Variants in EXT1 observed in about 807,000 individuals in gnomAD.
EXT1 encodes exostosin glycosyltransferase 1.
Under a neutral mutation model 82.5 loss-of-function variants are expected in EXT1, and 20 were observed. That is an observed-to-expected ratio of 0.24 (90% CI 0.17 to 0.35). The LOEUF is 0.35. EXT1 is among the 10% of genes least tolerant of loss of function. The probability of loss-of-function intolerance (pLI) is 1.00; values close to 1 mark genes in which losing one functional copy is unlikely to be tolerated. For synonymous variants in EXT1, 348 were observed against 350.8 expected (o/e 0.99, Z 0.09); for missense variants, 757 against 936.5 (o/e 0.81, Z 2.50).
At chr8:117,803,930 G>C (rs1199364454) in intron 10 of EXT1, among the ~76,000 whole-genome samples, 4 of 152,078 alleles carry the variant, frequency 2.6e-5, no homozygotes, top group African/African-American at 7.2e-5. Context: ...CCTGATTCTA[G>C]AACTGAAAAT....
rs1563582122 is a variant in EXT1 at position 117,858,803 on chromosome 8, G to A, written c.963-21602C>T. On this transcript the variant is annotated intron_variant, in intron 1 of 10. Transcript: ENST00000378204. The stretch of plus-strand genomic sequence containing the variant: ...CAGGCAGGCAGGCAAGGCAAGGCAA[G>A]GCAAGGCAGGAAGGAAGGAAGGAAG... Among the ~76,000 whole-genome samples, 199 of 80,336 alleles carry A rather than the reference G, an allele frequency of 2.5e-3. 17 individuals carry two copies. The highest frequency in any genetic ancestry group is 0.012 in the African/African-American group (192 of 15,514). 52.7% of individuals were successfully genotyped at this position (80,336 alleles called of 152,430 possible). A position where few individuals can be genotyped will look rare whatever the true frequency, so the allele number is the denominator to read the frequency against.
chr8:118,108,801 G>C (rs1180991108), intron 1 of EXT1, among the ~76,000 whole-genome samples: 1 of 152,192 alleles, frequency 6.6e-6, no homozygotes, highest in Non-Finnish European at 1.5e-5. Context: ...TTCAAGGCCA[G>C]TTTCCCACCA....
At chr8:117,930,699 A>C (rs934738203) in intron 1 of EXT1, among the ~76,000 whole-genome samples, 2 of 152,350 alleles carry the variant, frequency 1.3e-5, no homozygotes, top group Non-Finnish European at 1.5e-5. Context: ...CAGTGACTCC[A>C]TCTTGAGTAG....
intron 1 of EXT1, among the ~76,000 whole-genome samples, chr8:118,006,546 T>C (rs1474273560): frequency 1.3e-5 from 2 of 152,088 alleles, no homozygotes; most frequent in Non-Finnish European, 2.9e-5. Context: ...AGGTCAAAAA[T>C]CGTAACAATA....
intron 1 of EXT1, among the ~76,000 whole-genome samples, chr8:117,961,173 CTCTT>C (rs1042078911): frequency 3.3e-5 from 5 of 152,128 alleles, no homozygotes; most frequent in Admixed American, 6.6e-5. Context: ...GTCTTTCTCT[CTCTT>C]TCTTTTTTTT....
chr8:117,880,594 CTT>C (rs58814828), intron 1 of EXT1, among the ~76,000 whole-genome samples: 12 of 142,504 alleles, frequency 8.4e-5, no homozygotes, highest in Admixed American at 1.4e-4. Flanking sequence ...CCTCTTTTTT[CTT>C]TTTTTTTTTT....
intron 1 of EXT1, among the ~76,000 whole-genome samples, chr8:117,970,255 C>A (rs1289749120): frequency 6.6e-6 from 1 of 152,056 alleles, no homozygotes; most frequent in African/African-American, 2.4e-5. Flanking sequence ...TGGGCTGTAC[C>A]CCCAGAACTT....
intron 1 of EXT1, among the ~76,000 whole-genome samples, chr8:118,086,848 T>C (rs1010016058): frequency 6.6e-6 from 1 of 152,176 alleles, no homozygotes; most frequent in Non-Finnish European, 1.5e-5. Context: ...CAGAATGGGA[T>C]AACTATTTAG....
intron 1 of EXT1, among the ~76,000 whole-genome samples, chr8:117,852,232 T>G (rs1336274803): frequency 6.6e-6 from 1 of 152,190 alleles, no homozygotes; most frequent in Non-Finnish European, 1.5e-5. Context: ...TTGCCTCCTT[T>G]CCATAATGCT....
intron 1 of EXT1, among the ~76,000 whole-genome samples, chr8:118,067,517 T>G (rs1012062047): frequency 6.6e-6 from 1 of 152,200 alleles, no homozygotes; most frequent in Non-Finnish European, 1.5e-5. Context: ...AGGATGGACA[T>G]AGTACATAAC....
intron 1 of EXT1, among the ~76,000 whole-genome samples, chr8:118,053,508 A>G (rs1033085868): frequency 2.0e-5 from 3 of 152,226 alleles, no homozygotes; most frequent in Non-Finnish European, 4.4e-5. Flanking sequence ...CAATAGCCTC[A>G]TGTCTGACTA....
intron 1 of EXT1, among the ~76,000 whole-genome samples, chr8:118,060,954 A>C (rs1338098311): frequency 1.3e-5 from 2 of 152,214 alleles, no homozygotes; most frequent in African/African-American, 4.8e-5. Flanking sequence ...GAAACCAAAA[A>C]CAGAAATGGT....
intron 1 of EXT1, among the ~76,000 whole-genome samples, chr8:117,900,488 GGGC>G (rs1813421653): frequency 3.9e-5 from 6 of 152,188 alleles, no homozygotes; most frequent in Non-Finnish European, 8.8e-5. Context: ...CAGAGCCTTA[GGGC>G]TGATGCCATG....
intron 3 of EXT1, among the ~76,000 whole-genome samples, chr8:117,832,417 G>A (rs1022288906): frequency 2.0e-5 from 3 of 151,956 alleles, no homozygotes; most frequent in South Asian, 2.1e-4. Context: ...CCAGCTACTC[G>A]GAAGGCTGAG....
chr8:117,839,473 T>A (rs1476616384), intron 1 of EXT1, among the ~76,000 whole-genome samples: 1 of 152,228 alleles, frequency 6.6e-6, no homozygotes, highest in African/African-American at 2.4e-5. Context: ...TACATACGTA[T>A]CTGTTCATAT....
intron 1 of EXT1, among the ~76,000 whole-genome samples, chr8:117,847,312 A>C (rs747105831): frequency 6.6e-6 from 1 of 152,180 alleles, no homozygotes; most frequent in Non-Finnish European, 1.5e-5. Context: ...CTATGCTTAC[A>C]CCAAGCCCAA....
chr8:117,905,125 A>G (rs1251901233), intron 1 of EXT1, among the ~76,000 whole-genome samples: 1 of 152,204 alleles, frequency 6.6e-6, no homozygotes, highest in African/African-American at 2.4e-5. Flanking sequence ...CTATAAATAT[A>G]CCACTTGATC....
At chr8:117,800,483 G>T (rs1210032931) in intron 10 of EXT1, among the ~76,000 whole-genome samples, 1 of 152,182 alleles carries the variant, frequency 6.6e-6, no homozygotes, top group Non-Finnish European at 1.5e-5. Context: ...CAAGGCTAGT[G>T]TTACGCAGCA....
chr8:117,858,375 T>C (rs1255800596), intron 1 of EXT1, among the ~76,000 whole-genome samples: 1 of 152,134 alleles, frequency 6.6e-6, no homozygotes, highest in African/African-American at 2.4e-5. Context: ...TGTTGTGTTA[T>C]TTTAAGAAAC....
Sources: gnomAD v4.1 joint callset for allele counts (sites outside exome capture counted in the v4.1 genomes callset) on GRCh38, gnomAD v4.1.1 for gene constraint, MANE v1.5 for transcripts, NCBI Gene and HGNC (gene_info 2026-07-23, HGNC 2026-07-21) for gene names.